Variants in BRINP1 observed in about 807,000 individuals in gnomAD.
BRINP1 encodes the protein BMP/retinoic acid-inducible neural-specific protein 1.
BRINP1 carries 17 observed loss-of-function variants against 72.9 expected under a neutral mutation model. The observed-to-expected ratio is 0.23, with a 90% confidence interval of 0.16 to 0.35. The LOEUF is 0.35. BRINP1 is among the 10% of genes least tolerant of loss of function. The probability of loss-of-function intolerance (pLI) is 1.00; values close to 1 mark genes in which losing one functional copy is unlikely to be tolerated. For synonymous variants in BRINP1, 418 were observed against 378.5 expected, an observed-to-expected ratio of 1.10 and a Z score of -1.21; for missense variants, 850 against 1,001.6, an observed-to-expected ratio of 0.85 and a Z score of 2.04.
chr9:119,367,815 ACTCT>A (rs201244673), intron 1 of BRINP1, among the ~76,000 whole-genome samples: 2 of 150,374 alleles, frequency 1.3e-5, no homozygotes, highest in Admixed American at 1.3e-4. Context: ...GTACTGAAAC[ACTCT>A]CTCTCTCTGT....
chr9:119,215,476 G>A (rs995139612), intron 5 of BRINP1, among the ~76,000 whole-genome samples: 10 of 152,054 alleles, frequency 6.6e-5, no homozygotes, highest in African/African-American at 2.4e-4. Flanking sequence ...ATGAGGTAAT[G>A]GTTCTACTAC....
At chr9:119,222,236 T>C (rs1473090409) in intron 5 of BRINP1, among the ~76,000 whole-genome samples, 1 of 152,106 alleles carries the variant, frequency 6.6e-6, no homozygotes, top group African/African-American at 2.4e-5. Flanking sequence ...AGCATTCACT[T>C]TGGCAAATCA....
Position 119,218,746 on chromosome 9 carries a change from A to ATTTT in BRINP1, c.686-4595_686-4592dup, listed in dbSNP as rs10685419. Among the ~76,000 whole-genome samples the ATTTT allele has an allele frequency of 1.7e-3, 224 of 133,350 alleles. 3 individuals are homozygous for ATTTT. Among genetic ancestry groups the ATTTT allele is most frequent in the African/African-American group, 3.6e-3 (126 of 34,852 alleles). The allele number at this position is 133,350 out of a possible 152,430, so 87.5% of individuals were successfully genotyped here. A position where few individuals can be genotyped will look rare whatever the true frequency, so the allele number is the denominator to read the frequency against. On this transcript the variant is annotated intron_variant, in intron 5 of 7. Transcript: ENST00000265922. ...GTTTTATACCCCCTGAAACTCAGGG[A>ATTTT]TTTTTTTTTTTTTTTTTTGGCTATG...
At chr9:119,279,051 C>T (rs1588188813) in intron 2 of BRINP1, among the ~76,000 whole-genome samples, 1 of 152,128 alleles carries the variant, frequency 6.6e-6, no homozygotes, top group African/African-American at 2.4e-5. Flanking sequence ...GAGATCTACA[C>T]TGATTTACCA....
chr9:119,293,150 A>G (rs891514572), intron 2 of BRINP1, among the ~76,000 whole-genome samples: 12 of 152,208 alleles, frequency 7.9e-5, no homozygotes, highest in Non-Finnish European at 1.5e-4. Flanking sequence ...AATGATCAGT[A>G]AATTGAGAAA....
chr9:119,279,842 A>G (rs1377279346), intron 2 of BRINP1, among the ~76,000 whole-genome samples: 1 of 152,216 alleles, frequency 6.6e-6, no homozygotes, highest in African/African-American at 2.4e-5. Context: ...AGAGAGCAAA[A>G]GAAAGCTCAC....
At chr9:119,313,484 GA>G in intron 1 of BRINP1, 79 bp from the exon 2 acceptor site, 1 of 1,319,834 alleles carries the variant, frequency 7.6e-7, no homozygotes. Context: ...AGGAGTAAAA[GA>G]AAAAGACACA....
intron 7 of BRINP1, among the ~76,000 whole-genome samples, chr9:119,169,386 C>T (rs1829370559): frequency 6.7e-6 from 1 of 149,198 alleles, no homozygotes; most frequent in African/African-American, 2.6e-5. Flanking sequence ...CCTGGAAAAT[C>T]GGGTCACTCC....
At chr9:119,338,013 T>C (rs1025584055) in intron 1 of BRINP1, among the ~76,000 whole-genome samples, 1 of 152,176 alleles carries the variant, frequency 6.6e-6, no homozygotes, top group African/African-American at 2.4e-5. Flanking sequence ...GGCAAGTTAC[T>C]CTCTTCTCTG....
At chr9:119,363,395 C>T (rs888869182) in intron 1 of BRINP1, among the ~76,000 whole-genome samples, 3 of 152,104 alleles carry the variant, frequency 2.0e-5, no homozygotes, top group Admixed American at 2.0e-4. Flanking sequence ...AGCCACCAAG[C>T]CTGGCCAACT....
At chr9:119,333,753 A>C (rs1297075116) in intron 1 of BRINP1, among the ~76,000 whole-genome samples, 4 of 152,216 alleles carry the variant, frequency 2.6e-5, no homozygotes, top group African/African-American at 9.7e-5. Flanking sequence ...TGCATAAGAA[A>C]GGAAGCTTGC....
intron 4 of BRINP1, among the ~76,000 whole-genome samples, chr9:119,239,016 A>G (rs1055477332): frequency 4.6e-5 from 7 of 152,218 alleles, no homozygotes; most frequent in African/African-American, 1.2e-4. Flanking sequence ...GGTGGCTGCA[A>G]GTAGACATGA....
At chr9:119,328,207 G>A (rs1390172721) in intron 1 of BRINP1, among the ~76,000 whole-genome samples, 1 of 152,152 alleles carries the variant, frequency 6.6e-6, no homozygotes, top group African/African-American at 2.4e-5. Flanking sequence ...AGTTTCAAAG[G>A]CTACAGAGTG....
intron 1 of BRINP1, among the ~76,000 whole-genome samples, chr9:119,347,211 C>T (rs1831460861): frequency 6.6e-6 from 1 of 152,148 alleles, no homozygotes; most frequent in Non-Finnish European, 1.5e-5. Context: ...ACAGCCCCTC[C>T]CTTTACTAGC....
At chr9:119,272,497 C>G (rs1387328135) in intron 2 of BRINP1, among the ~76,000 whole-genome samples, 1 of 152,130 alleles carries the variant, frequency 6.6e-6, no homozygotes, top group Non-Finnish European at 1.5e-5. Flanking sequence ...TAAGAGCAGA[C>G]AACAAAACTG....
rs144364932 is a variant in BRINP1 at position 119,167,233 on chromosome 9, C to T, written c.2137G>A (p.Gly713Arg). The T allele has an allele frequency of 4.8e-4, 774 of 1,613,998 alleles. 4 individuals carry two copies. The highest frequency in any genetic ancestry group is 1.3e-4 in the Admixed American group (8 of 60,008). ...INRLAPPVAP[G>R]KPQLDLFSCM... ...GAGAACAAGTCCAGCTGGGGTTTCC[C>T]CGGGGCCACAGGAGGGGCCAGGCGA... Residue 713 changes from glycine (G) to arginine (R), a missense_variant, in exon 8 of 8, where the codon GGG (glycine) becomes AGG (arginine). By Grantham distance (125) the Gly-to-Arg change is moderately radical (BLOSUM62 -2). Coordinates refer to ENST00000265922, the MANE Select transcript of BRINP1 (RefSeq NM_014618.3). The surrounding 1 kb of genome is among the most constrained non-coding windows in gnomAD (Gnocchi z 4.3).
intron 2 of BRINP1, among the ~76,000 whole-genome samples, chr9:119,269,522 A>G (rs1477868466): frequency 6.6e-6 from 1 of 151,886 alleles, no homozygotes; most frequent in Admixed American, 6.6e-5. Flanking sequence ...TGGTCTTCCT[A>G]CCCCCACCCC....
chr9:119,321,754 C>A (rs1030118320), intron 1 of BRINP1, among the ~76,000 whole-genome samples: 1 of 152,128 alleles, frequency 6.6e-6, no homozygotes, highest in Non-Finnish European at 1.5e-5. Context: ...CATGCCTGGC[C>A]AATAGAATTT....
intron 1 of BRINP1, among the ~76,000 whole-genome samples, chr9:119,314,805 AC>A (rs1482969707): frequency 8.5e-5 from 13 of 152,172 alleles, no homozygotes; most frequent in African/African-American, 2.9e-4. Flanking sequence ...TAATAATAGC[AC>A]CTACACTCAG....
Sources: allele counts gnomAD v4.1 joint callset (sites outside exome capture counted in the v4.1 genomes callset), GRCh38; gene constraint gnomAD v4.1.1; non-coding constraint Gnocchi (gnomAD v3.1); transcripts MANE v1.5; gene names NCBI Gene and HGNC (gene_info 2026-07-23, HGNC 2026-07-21).